Variants in CARMIL1 observed in about 807,000 individuals in gnomAD.
CARMIL1 encodes the protein F-actin-uncapping protein LRRC16A.
CARMIL1 carries 90 observed loss-of-function variants against 177.1 expected under a neutral mutation model. The observed-to-expected ratio is 0.51, with a 90% CI of 0.43 to 0.61. CARMIL1 has a LOEUF of 0.61. Among genes scored for constraint, CARMIL1 ranks in the 20% least tolerant of loss-of-function variants. The pLI, the probability that CARMIL1 is intolerant of heterozygous loss-of-function variation, is 0.00. For missense variants in CARMIL1, 1,380 were observed against 1,667.0 expected (o/e 0.83, Z 3.00); for synonymous variants, 577 against 606.2 (o/e 0.95, Z 0.71).
intron 26 of CARMIL1, among the ~76,000 whole-genome samples, chr6:25,543,492 C>T (rs1208080183): frequency 6.6e-6 from 1 of 152,098 alleles, no homozygotes; most frequent in East Asian, 1.9e-4. Flanking sequence ...TTGATCCTAA[C>T]ATTCATTCCT....
intron 2 of CARMIL1, among the ~76,000 whole-genome samples, chr6:25,313,171 A>G (rs1783973606): frequency 6.6e-6 from 1 of 151,878 alleles, no homozygotes; most frequent in African/African-American, 2.4e-5. Flanking sequence ...CCACATAGTA[A>G]ACACAGTTAT....
intron 2 of CARMIL1, among the ~76,000 whole-genome samples, chr6:25,364,857 A>T (rs1033925126): frequency 6.6e-6 from 1 of 152,110 alleles, no homozygotes; most frequent in African/African-American, 2.4e-5. Context: ...TAAGTAGATG[A>T]GGAAGTGAAA....
intron 20 of CARMIL1, among the ~76,000 whole-genome samples, chr6:25,511,258 C>T (rs1159858612): frequency 2.6e-5 from 4 of 152,108 alleles, no homozygotes; most frequent in Admixed American, 1.3e-4. Context: ...AATCCCCTTT[C>T]GTTGCTCCTG....
chr6:25,338,850 T>C (rs982856326), intron 2 of CARMIL1, among the ~76,000 whole-genome samples: 3 of 152,214 alleles, frequency 2.0e-5, no homozygotes, highest in Non-Finnish European at 2.9e-5. Context: ...GAAAGTTACA[T>C]AAAATGAAAA....
intron 26 of CARMIL1, among the ~76,000 whole-genome samples, chr6:25,546,635 G>T (rs1306822063): frequency 1.4e-5 from 2 of 138,854 alleles, no homozygotes; most frequent in Non-Finnish European, 3.1e-5. Flanking sequence ...AGCCTGGGTG[G>T]CGGAATGAGA....
At position 25,603,150 on chromosome 6, in the gene CARMIL1, T is replaced by C. The variant is rs187776521; in HGVS notation, c.3553-1662T>C. 9.8e-5 allele frequency among the ~76,000 whole-genome samples: 15 copies of C among 152,344 alleles called. No individual in the cohort carries two copies. In the East Asian group the frequency reaches 2.9e-3, roughly 29 times the overall value. ...ACAGAATTTAAGGAGGTCCTCACTT[T>C]CAGGTGCCTGCCATGCACTTGGAGG... On this transcript the variant is annotated intron_variant, in intron 33 of 36. Transcript: ENST00000329474.
At chr6:25,345,639 CAG>C (rs1477151007) in intron 2 of CARMIL1, among the ~76,000 whole-genome samples, 9 of 152,116 alleles carry the variant, frequency 5.9e-5, no homozygotes, top group African/African-American at 2.4e-5. Flanking sequence ...TTTTTTGAGA[CAG>C]AGTCTCCCTC....
chr6:25,446,152 A>G (rs1278291064), intron 5 of CARMIL1, among the ~76,000 whole-genome samples: 1 of 152,166 alleles, frequency 6.6e-6, no homozygotes, highest in African/African-American at 2.4e-5. Context: ...ATCAGCACTG[A>G]TTGGCCTCAA....
At chr6:25,495,346 G>A in intron 16 of CARMIL1, 131 bp downstream of exon 16, 1 of 546,370 alleles carries the variant, frequency 1.8e-6, no homozygotes, top group Non-Finnish European at 3.2e-6. Flanking sequence ...TTTACTCTGG[G>A]GCAGAAAAAT....
intron 2 of CARMIL1, among the ~76,000 whole-genome samples, chr6:25,403,459 C>T (rs9467497): frequency 1.9e-3 from 283 of 152,288 alleles, no homozygotes; most frequent in African/African-American, 6.5e-3. Flanking sequence ...TCAGTCAGAA[C>T]AGTGTGGACA....
At chr6:25,442,263 G>A (rs1002816420) in intron 5 of CARMIL1, among the ~76,000 whole-genome samples, 1 of 150,408 alleles carries the variant, frequency 6.6e-6, no homozygotes, top group African/African-American at 2.5e-5. Context: ...CTAGTTTGCT[G>A]TTTCTTGCTG....
At chr6:25,444,826 A>G (rs1447068025) in intron 5 of CARMIL1, among the ~76,000 whole-genome samples, 2 of 152,220 alleles carry the variant, frequency 1.3e-5, no homozygotes, top group East Asian at 1.9e-4. Flanking sequence ...TAGTGCTGCA[A>G]TAAACATACA....
Position 25,338,109 on chromosome 6 carries a change from T to C in CARMIL1, c.138+53200T>C, listed in dbSNP as rs1400234992. 3.9e-5 allele frequency among the ~76,000 whole-genome samples: 6 copies of C among 152,036 alleles called. No homozygotes were observed. In the East Asian group the frequency reaches 7.7e-4, roughly 20 times the overall value. ...CCGTCTCTACCGAAAATACAAAAAT[T>C]AGCCAGGCGTGGTGGCGCATGCCTA... is the stretch of plus-strand genomic sequence containing the variant. On this transcript the variant is annotated intron_variant, in intron 2 of 36. Transcript: ENST00000329474.
chr6:25,534,762 T>G (rs1256707107), intron 24 of CARMIL1, among the ~76,000 whole-genome samples: 1 of 152,190 alleles, frequency 6.6e-6, no homozygotes, highest in Non-Finnish European at 1.5e-5. Flanking sequence ...GAATATTTCT[T>G]CCCACTTCCA....
intron 13 of CARMIL1, among the ~76,000 whole-genome samples, chr6:25,489,759 A>G (rs1803007483): frequency 6.6e-6 from 1 of 152,134 alleles, no homozygotes; most frequent in Admixed American, 6.6e-5. Context: ...CCTTGAACTT[A>G]AAATTATTTA....
intron 23 of CARMIL1, among the ~76,000 whole-genome samples, chr6:25,524,016 C>CT (rs1021322811): frequency 7.3e-5 from 11 of 151,066 alleles, no homozygotes; most frequent in Admixed American, 1.3e-4. Flanking sequence ...GAAAAATTTC[C>CT]TTTTTTTTTC....
intron 36 of CARMIL1, among the ~76,000 whole-genome samples, chr6:25,615,952 A>G (rs1034378424): frequency 2.6e-5 from 4 of 152,232 alleles, no homozygotes; most frequent in African/African-American, 4.8e-5. Flanking sequence ...CAAGAATGAC[A>G]GATATCACGT....
At chr6:25,586,862 G>C (rs1813775821) in intron 31 of CARMIL1, among the ~76,000 whole-genome samples, 1 of 152,064 alleles carries the variant, frequency 6.6e-6, no homozygotes, top group East Asian at 1.9e-4. Flanking sequence ...GCTGAGGCAG[G>C]AGAATCAGGC....
chr6:25,412,597 T>G (rs1795008597), intron 2 of CARMIL1, among the ~76,000 whole-genome samples: 1 of 152,084 alleles, frequency 6.6e-6, no homozygotes, highest in African/African-American at 2.4e-5. Context: ...AGGAGGAAAT[T>G]GAGGCACAGG....
Sources: gnomAD v4.1 joint callset for allele counts (sites outside exome capture counted in the v4.1 genomes callset) on GRCh38, gnomAD v4.1.1 for gene constraint, MANE v1.5 for transcripts, NCBI Gene and HGNC (gene_info 2026-07-23, HGNC 2026-07-21) for gene names.